The following PALLD variants were observed in gnomAD, a reference collection of about 807,000 sequenced individuals.
PALLD encodes palladin.
Under a neutral mutation model 123.5 loss-of-function variants are expected in PALLD, and 61 were observed. That is an observed-to-expected ratio of 0.49 (90% CI 0.40 to 0.61). The LOEUF (loss-of-function observed/expected upper bound fraction) is 0.61. Among genes scored for constraint, PALLD ranks in the 20% least tolerant of loss-of-function variants. PALLD has a pLI of 0.00. For synonymous variants in PALLD, 465 were observed against 496.4 expected, an observed-to-expected ratio of 0.94 and a Z score of 0.84; for missense variants, 1,273 against 1,377.0, an observed-to-expected ratio of 0.92 and a Z score of 1.20.
At chr4:168,821,718 A>G (rs1235603453) in intron 10 of PALLD, among the ~76,000 whole-genome samples, 2 of 151,912 alleles carry the variant, frequency 1.3e-5, no homozygotes, top group East Asian at 1.9e-4. Flanking sequence ...TCTACTAAAA[A>G]AAAATACAAA....
intron 10 of PALLD, among the ~76,000 whole-genome samples, chr4:168,767,474 T>A (rs1441736103): frequency 6.6e-6 from 1 of 152,196 alleles, no homozygotes; most frequent in Non-Finnish European, 1.5e-5. Flanking sequence ...CAGTAAATTA[T>A]TTTTAATAAC....
intron 2 of PALLD, among the ~76,000 whole-genome samples, chr4:168,513,752 G>T (rs1191126667): frequency 6.6e-6 from 1 of 152,034 alleles, no homozygotes; most frequent in Non-Finnish European, 1.5e-5. Flanking sequence ...TCATTTATCT[G>T]GGAAGTTTTG....
At chr4:168,613,150 T>C (rs1409168926) in intron 2 of PALLD, among the ~76,000 whole-genome samples, 1 of 152,212 alleles carries the variant, frequency 6.6e-6, no homozygotes, top group Non-Finnish European at 1.5e-5. Flanking sequence ...ATATCTCAAA[T>C]GCCTGTGTCT....
At chr4:168,853,022 A>C (rs767351236) in intron 10 of PALLD, among the ~76,000 whole-genome samples, 5 of 152,246 alleles carry the variant, frequency 3.3e-5, no homozygotes, top group Admixed American at 6.5e-5. Context: ...CTAATAAATT[A>C]GTTTTCATAA....
rs537823868 is a variant in PALLD, at chr4:168,914,407, C to A, written c.2717+386C>A. On this transcript the variant is annotated intron_variant, in intron 16 of 21. Transcript: ENST00000505667. Reference sequence around the variant, plus strand: ...TGGACGCACACATTAAAAGCTATTACCACTGGGTTTCTTAAAATCAGCTCA... The same window carrying A: ...TGGACGCACACATTAAAAGCTATTAACACTGGGTTTCTTAAAATCAGCTCA... Among the ~76,000 whole-genome samples the A allele has an allele frequency of 1.1e-4, 16 of 152,278 alleles. No homozygotes were observed. The South Asian group carries it at 3.1e-3, about 30-fold the overall frequency.
chr4:168,706,999 A>C (rs1240303770), intron 8 of PALLD, among the ~76,000 whole-genome samples: 3 of 152,222 alleles, frequency 2.0e-5, no homozygotes, highest in African/African-American at 4.8e-5. Flanking sequence ...TTACTTTTGC[A>C]CTTATTAATT....
intron 10 of PALLD, among the ~76,000 whole-genome samples, chr4:168,810,725 G>A (rs1365317323): frequency 5.9e-5 from 9 of 151,784 alleles, no homozygotes; most frequent in East Asian, 1.9e-4. Context: ...GGAGAATGGC[G>A]TGAACCCGGG....
intron 10 of PALLD, among the ~76,000 whole-genome samples, chr4:168,794,506 G>GCGCGCA (rs61011663): frequency 7.0e-6 from 1 of 143,854 alleles, no homozygotes; most frequent in African/African-American, 2.6e-5. Flanking sequence ...ACACACACAC[G>GCGCGCA]CACACACACA....
intron 10 of PALLD, among the ~76,000 whole-genome samples, chr4:168,797,266 C>T (rs1581521218): frequency 6.6e-6 from 1 of 152,250 alleles, no homozygotes; most frequent in African/African-American, 2.4e-5. Context: ...TGAAATCCCT[C>T]TGTCTATATC....
intron 2 of PALLD, among the ~76,000 whole-genome samples, chr4:168,595,540 G>A (rs1297485623): frequency 6.6e-6 from 1 of 152,176 alleles, no homozygotes; most frequent in South Asian, 2.1e-4. Context: ...TAAGTGTATT[G>A]GCCTTTTAGT....
chr4:168,842,280 C>T (rs1047308992), intron 10 of PALLD, among the ~76,000 whole-genome samples: 24 of 152,172 alleles, frequency 1.6e-4, no homozygotes, highest in Admixed American at 1.1e-3. Context: ...AATTACAAAT[C>T]GGGAAAACAT....
At chr4:168,687,210 A>C (rs1782151225) in intron 6 of PALLD, among the ~76,000 whole-genome samples, 1 of 152,206 alleles carries the variant, frequency 6.6e-6, no homozygotes, top group African/African-American at 2.4e-5. Context: ...AAGCTTTATA[A>C]AATATCTTTT....
chr4:168,658,115 A>G (rs2149959048), intron 2 of PALLD, among the ~76,000 whole-genome samples: 1 of 152,296 alleles, frequency 6.6e-6, no homozygotes, highest in East Asian at 1.9e-4. Flanking sequence ...AGGCTGCTTC[A>G]TCAGAACTGC....
At chr4:168,660,997 C>T (rs942057515) in intron 2 of PALLD, among the ~76,000 whole-genome samples, 5 of 152,060 alleles carry the variant, frequency 3.3e-5, no homozygotes, top group South Asian at 2.1e-4. Context: ...CTTCACCTCC[C>T]GGGTTCACGC....
chr4:168,860,942 T>G (rs1749363994), intron 10 of PALLD, among the ~76,000 whole-genome samples: 2 of 152,220 alleles, frequency 1.3e-5, no homozygotes, highest in Non-Finnish European at 2.9e-5. Context: ...TGGAAGAAAT[T>G]GAAGAAGCTG....
Position 168,574,776 on chromosome 4 carries a change from T to C in PALLD, c.908+62364T>C, listed in dbSNP as rs537512526. ...TGGCAGCACTTCAAAGTAGAACTTA[T>C]TAGCTACTATAGAGAACTCATAATA... On this transcript the variant is annotated intron_variant, in intron 2 of 21. Transcript: ENST00000505667. Among the ~76,000 whole-genome samples, 18 of 152,224 alleles carry C rather than the reference T, an allele frequency of 1.2e-4. No homozygotes were observed. In the South Asian group the frequency reaches 3.7e-3, roughly 32 times the overall value.
intron 10 of PALLD, among the ~76,000 whole-genome samples, chr4:168,884,053 A>G (rs553663767): frequency 1.3e-5 from 2 of 152,072 alleles, no homozygotes; most frequent in Admixed American, 6.6e-5. Context: ...GAGCAGAACT[A>G]CAACCATCTT....
intron 2 of PALLD, among the ~76,000 whole-genome samples, chr4:168,546,905 T>C (rs1766192163): frequency 6.6e-6 from 1 of 151,888 alleles, no homozygotes; most frequent in Admixed American, 6.5e-5. Context: ...TAGCCACAGA[T>C]TTTTTTATTC....
chr4:168,550,480 C>T (rs766574980), intron 2 of PALLD, among the ~76,000 whole-genome samples: 1 of 151,908 alleles, frequency 6.6e-6, no homozygotes, highest in Non-Finnish European at 1.5e-5. Flanking sequence ...AATGTGGAAC[C>T]GAAGCAAAAG....
Sources: gnomAD v4.1 joint callset for allele counts (sites outside exome capture counted in the v4.1 genomes callset) on GRCh38, gnomAD v4.1.1 for gene constraint, MANE v1.5 for transcripts, NCBI Gene and HGNC (gene_info 2026-07-23, HGNC 2026-07-21) for gene names.